Variants in ZFYVE9 observed in about 807,000 individuals in gnomAD.
ZFYVE9 encodes zinc finger FYVE-type containing 9.
ZFYVE9 carries 43 observed loss-of-function variants against 126.7 expected under a neutral mutation model. The observed-to-expected ratio is 0.34, with a 90% CI of 0.27 to 0.44. The LOEUF (loss-of-function observed/expected upper bound fraction) is 0.44, where lower values mean the gene tolerates loss of function less well. Among genes scored for constraint, ZFYVE9 ranks in the 20% least tolerant of loss-of-function variants. The pLI is 1.00. For missense variants in ZFYVE9, 1,476 were observed against 1,697.0 expected, an observed-to-expected ratio of 0.87 and a Z score of 2.29; for synonymous variants, 521 against 597.4, an observed-to-expected ratio of 0.87 and a Z score of 1.87.
intron 8 of ZFYVE9, among the ~76,000 whole-genome samples, chr1:52,278,188 A>C (rs963754944): frequency 2.0e-5 from 3 of 149,956 alleles, no homozygotes; most frequent in African/African-American, 7.3e-5. Context: ...TTGTTATAAT[A>C]GTTGGAAAAT....
intron 4 of ZFYVE9, among the ~76,000 whole-genome samples, chr1:52,261,030 T>A (rs747790287): frequency 1.3e-5 from 2 of 152,096 alleles, no homozygotes; most frequent in Non-Finnish European, 2.9e-5. Context: ...CTACTATTAC[T>A]GTCTCTTCTT....
chr1:52,339,360 T>C (rs1419269011), intron 16 of ZFYVE9, among the ~76,000 whole-genome samples: 2 of 152,034 alleles, frequency 1.3e-5, no homozygotes, highest in East Asian at 3.9e-4. Flanking sequence ...CGATCGCAGC[T>C]CACTGCAACC....
intron 10 of ZFYVE9, among the ~76,000 whole-genome samples, chr1:52,287,106 T>C (rs940320814): frequency 1.3e-5 from 2 of 152,158 alleles, no homozygotes; most frequent in African/African-American, 4.8e-5. Flanking sequence ...TTTATTTATT[T>C]TGAGGCAGAG....
intron 8 of ZFYVE9, 61 bp downstream of exon 8, chr1:52,274,645 A>G: frequency 6.7e-7 from 1 of 1,482,444 alleles, no homozygotes; most frequent in Non-Finnish European, 9.1e-7. Context: ...CCTTCTAATT[A>G]AGGTAGAGAG....
Position 52,293,520 on chromosome 1 carries a change from T to G in ZFYVE9, c.3093T>G (p.Gly1031=). 1.2e-6 allele frequency: 2 copies of G among 1,614,052 alleles called. No homozygotes were observed. Among genetic ancestry groups the G allele is most frequent in the Non-Finnish European group, 1.7e-6 (2 of 1,179,996 alleles). The change falls in exon 11 of 19, where the codon GGT becomes GGG. Residue 1031 remains glycine, a synonymous_variant. Coordinates refer to ENST00000287727, the MANE Select transcript of ZFYVE9 (RefSeq NM_004799.4). ...SQSFLGSKEH[G]GFLYVTSTYQ... ...GTTTCCTTGGCAGTAAAGAACATGGTGGATTCTTATATGTGACATCTACCT... is the reference window on the plus strand; with the variant it reads ...GTTTCCTTGGCAGTAAAGAACATGGGGGATTCTTATATGTGACATCTACCT...
At chr1:52,204,822 C>T (rs1006172311) in intron 1 of ZFYVE9, among the ~76,000 whole-genome samples, 1 of 152,198 alleles carries the variant, frequency 6.6e-6, no homozygotes, top group Admixed American at 6.5e-5. Context: ...GGGGATTTCC[C>T]CCTTGATGCT....
At chr1:52,230,524 TAAAAA>T (rs113889971) in intron 2 of ZFYVE9, among the ~76,000 whole-genome samples, 1 of 131,574 alleles carries the variant, frequency 7.6e-6, no homozygotes, top group African/African-American at 2.8e-5. Context: ...TCCTGGAACT[TAAAAA>T]AAAAAAAAAA....
At chr1:52,295,339 GGTTTGTTTGTTTGTTTGTTT>G (rs144066928) in intron 11 of ZFYVE9, among the ~76,000 whole-genome samples, 1 of 149,574 alleles carries the variant, frequency 6.7e-6, no homozygotes, top group Non-Finnish European at 1.5e-5. Flanking sequence ...AGACCTTGTG[GGTTTGTTTGTTTGTTTGTTT>G]GTTTGTTTGT....
In ZFYVE9 at chr1:52,239,594, A is replaced by G; in HGVS notation, c.2177A>G (p.Lys726Arg). The G allele has an allele frequency of 2.5e-6, 4 of 1,608,612 alleles. No individual in the cohort carries two copies. The highest frequency in any genetic ancestry group is 3.4e-6 in the Non-Finnish European group (4 of 1,176,188). The change falls in exon 4 of 19, where the codon AAG (lysine) becomes AGG (arginine). Residue 726 changes from lysine to arginine, a missense_variant and splice_region_variant. Transcript: ENST00000287727. ...KRRHHCRACG[K>R]VFCASCCSLK... ...AGGCATCACTGCAGAGCATGTGGGAAGGTAAGTTGCATGTATACACTCAGA... is the reference window on the plus strand; with the variant it reads ...AGGCATCACTGCAGAGCATGTGGGAGGGTAAGTTGCATGTATACACTCAGA...
intron 9 of ZFYVE9, 117 bp downstream of exon 9, chr1:52,278,731 CTTT>C (rs377369353): frequency 2.9e-4 from 137 of 480,454 alleles, no homozygotes; most frequent in Middle Eastern, 6.7e-4. Context: ...TTTTTTTTTT[CTTT>C]TTTTTTTTTT....
chr1:52,311,859 T>C (rs1045732987), intron 13 of ZFYVE9, among the ~76,000 whole-genome samples: 1 of 152,106 alleles, frequency 6.6e-6, no homozygotes, highest in African/African-American at 2.4e-5. Flanking sequence ...AGTACAATCT[T>C]GGCTCAGTGC....
intron 4 of ZFYVE9, chr1:52,252,618 A>G: frequency 1.6e-5 from 4 of 252,080 alleles, no homozygotes; most frequent in South Asian, 1.5e-4. Context: ...TTGGCCTCCC[A>G]AAGTGCTGGA....
intron 12 of ZFYVE9, among the ~76,000 whole-genome samples, chr1:52,302,767 T>A (rs1646047506): frequency 1.4e-5 from 2 of 146,176 alleles, no homozygotes; most frequent in Admixed American, 1.4e-4. Context: ...AAAAAAAAAA[T>A]CTGTATCTAT....
At chr1:52,306,233 A>T (rs2147844954) in intron 13 of ZFYVE9, among the ~76,000 whole-genome samples, 1 of 152,202 alleles carries the variant, frequency 6.6e-6, no homozygotes. Flanking sequence ...AAGCCCTGGG[A>T]TCAGCTAGAG....
At chr1:52,288,762 C>T (rs984516089) in intron 10 of ZFYVE9, among the ~76,000 whole-genome samples, 2 of 151,722 alleles carry the variant, frequency 1.3e-5, no homozygotes, top group Non-Finnish European at 2.9e-5. Context: ...CCTGTCTCTG[C>T]TAAAAATACA....
chr1:52,155,242 T>TC (rs1033200300), intron 1 of ZFYVE9, among the ~76,000 whole-genome samples: 2 of 133,280 alleles, frequency 1.5e-5, no homozygotes, highest in African/African-American at 6.9e-5. Flanking sequence ...TTCTTTTTTT[T>TC]TTTTTTTTTT....
chr1:52,265,724 G>C (rs1017072120), intron 5 of ZFYVE9, among the ~76,000 whole-genome samples: 6 of 152,160 alleles, frequency 3.9e-5, no homozygotes. Flanking sequence ...GTTTTATACA[G>C]GGTGATGATT....
intron 17 of ZFYVE9, among the ~76,000 whole-genome samples, chr1:52,344,516 G>T (rs934953476): frequency 1.3e-5 from 2 of 152,198 alleles, no homozygotes; most frequent in Non-Finnish European, 2.9e-5. Context: ...TTGCAACCAT[G>T]GAGGCTTGCA....
At chr1:52,277,660 T>C (rs1221915082) in intron 8 of ZFYVE9, among the ~76,000 whole-genome samples, 1 of 152,320 alleles carries the variant, frequency 6.6e-6, no homozygotes, top group South Asian at 2.1e-4. Context: ...CCCTCAAATA[T>C]GCATTTTATA....
Sources: allele counts gnomAD v4.1 joint callset (sites outside exome capture counted in the v4.1 genomes callset), GRCh38; gene constraint gnomAD v4.1.1; transcripts MANE v1.5; gene names NCBI Gene and HGNC (gene_info 2026-07-23, HGNC 2026-07-21).